The following HCN4 variants were observed in gnomAD, a reference collection of about 807,000 sequenced individuals.
HCN4 encodes potassium/sodium hyperpolarization-activated cyclic nucleotide-gated channel 4.
Under a neutral mutation model 76.9 loss-of-function variants are expected in HCN4, and 29 were observed. The observed-to-expected ratio is 0.38, with a 90% CI of 0.28 to 0.51. HCN4 has a LOEUF of 0.51. HCN4 is among the 20% of genes least tolerant of loss of function. The probability of loss-of-function intolerance (pLI) is 0.90; values close to 1 mark genes in which losing one functional copy is unlikely to be tolerated. For synonymous variants in HCN4, 772 were observed against 762.5 expected (o/e 1.01, Z -0.21); for missense variants, 1,416 against 1,715.2 (o/e 0.83, Z 3.08).
intron 3 of HCN4, 28 bp from the exon 4 acceptor site, chr15:73,329,819 G>C: frequency 6.3e-7 from 1 of 1,578,818 alleles, no homozygotes; most frequent in Non-Finnish European, 8.7e-7. Flanking sequence ...GGTGGGGACA[G>C]TGGATGAGAG....
Position 73,367,520 on chromosome 15 carries a change from C to A in HCN4, c.751G>T (p.Gly251Ter). 6.2e-7 allele frequency: 1 copy of A among 1,614,038 alleles called. No individual in the cohort carries two copies. Among genetic ancestry groups the A allele is most frequent in the Non-Finnish European group, 8.5e-7 (1 of 1,180,024 alleles). Reference protein sequence around the residue: ...EREQERVKSAGFWIIHPYSDF... With the variant: ...EREQERVKSA ...CTGTAGGGGTGGATAATCCAAAATC[C>A]GGCCGACTTGACCCTCTCCTGTTCG... The change falls in exon 1 of 8, where the codon GGA (glycine) becomes TGA (stop). Residue 251 changes from glycine to a stop codon, truncating the protein, a stop_gained. Coordinates refer to ENST00000261917, the MANE Select transcript of HCN4 (RefSeq NM_005477.3). LOFTEE classifies it high-confidence loss of function. The surrounding 1 kb of genome is among the most constrained non-coding windows in gnomAD (Gnocchi z 7.5).
At position 73,367,538 on chromosome 15, in the gene HCN4, C is replaced by G; in HGVS notation, c.733G>C (p.Glu245Gln). ...GSQKAVEREQ[E>Q]RVKSAGFWII... is the part of the protein sequence containing the mutation. ...CAAAATCCGGCCGACTTGACCCTCT[C>G]CTGTTCGCGCTCCACGGCTTTCTGG... is the stretch of plus-strand genomic sequence containing the variant. Residue 245 changes from glutamate to glutamine, a missense_variant, in exon 1 of 8, where the codon GAG becomes CAG. Glu to Gln is a conservative substitution (Grantham distance 29). Transcript: ENST00000261917. The surrounding 1 kb of genome is among the most constrained non-coding windows in gnomAD (Gnocchi z 7.5). 2 of 1,614,110 alleles carry G rather than the reference C, an allele frequency of 1.2e-6. No homozygotes were observed. The highest frequency in any genetic ancestry group is 1.7e-6 in the Non-Finnish European group (2 of 1,180,030).
At chr15:73,329,484 G>T in intron 4 of HCN4, 89 bp downstream of exon 4, 1 of 1,212,556 alleles carries the variant, frequency 8.2e-7, no homozygotes, top group Non-Finnish European at 1.2e-6. Context: ...TGGGAGCAGG[G>T]GGCGGTTCCT....
At chr15:73,333,682 A>T (rs2151218207) in intron 2 of HCN4, among the ~76,000 whole-genome samples, 1 of 152,316 alleles carries the variant, frequency 6.6e-6, no homozygotes, top group South Asian at 2.1e-4. Flanking sequence ...CGAAAGGTTC[A>T]TGGGGTCCGG....
At chr15:73,356,509 G>A (rs1471130866) in intron 1 of HCN4, among the ~76,000 whole-genome samples, 1 of 150,990 alleles carries the variant, frequency 6.6e-6, no homozygotes, top group Non-Finnish European at 1.5e-5. Flanking sequence ...CACAGTGCCT[G>A]ACCCGGGGCA....
intron 2 of HCN4, among the ~76,000 whole-genome samples, chr15:73,338,898 G>A (rs1406292982): frequency 6.6e-6 from 1 of 152,184 alleles, no homozygotes; most frequent in African/African-American, 2.4e-5. Context: ...CAGGAGACAG[G>A]GCCAGTACCC....
chr15:73,354,524 T>C (rs1213615732), intron 1 of HCN4, among the ~76,000 whole-genome samples: 1 of 152,226 alleles, frequency 6.6e-6, no homozygotes, highest in Non-Finnish European at 1.5e-5. Context: ...ACCCAGGTGA[T>C]GCTGAGACTG....
intron 2 of HCN4, among the ~76,000 whole-genome samples, chr15:73,336,295 C>G (rs1367539348): frequency 6.6e-6 from 1 of 152,162 alleles, no homozygotes; most frequent in East Asian, 1.9e-4. Flanking sequence ...TAGGGCATCT[C>G]TGGAAGCACC....
At chr15:73,363,807 C>T (rs898523544) in intron 1 of HCN4, among the ~76,000 whole-genome samples, 3 of 152,152 alleles carry the variant, frequency 2.0e-5, no homozygotes, top group Admixed American at 6.5e-5. Flanking sequence ...CTCGGCAGGG[C>T]GACCACAGTT....
chr15:73,327,180 C>T (rs1306788820), intron 4 of HCN4, among the ~76,000 whole-genome samples: 1 of 150,200 alleles, frequency 6.7e-6, no homozygotes, highest in Non-Finnish European at 1.5e-5. Context: ...AATCTTAGCT[C>T]ACTGCAACCT....
chr15:73,359,153 C>T (rs1334075582), intron 1 of HCN4, among the ~76,000 whole-genome samples: 1 of 152,224 alleles, frequency 6.6e-6, no homozygotes, highest in Admixed American at 6.5e-5. Context: ...CCGCAGCTGC[C>T]GTGATCAGAC....
At chr15:73,333,510 T>C (rs1164389331) in intron 2 of HCN4, among the ~76,000 whole-genome samples, 1 of 152,196 alleles carries the variant, frequency 6.6e-6, no homozygotes, top group African/African-American at 2.4e-5. Flanking sequence ...GCTACAGCCC[T>C]GTAGCTAGTG....
chr15:73,349,944 A>T (rs1031699301), intron 1 of HCN4, among the ~76,000 whole-genome samples: 2 of 152,110 alleles, frequency 1.3e-5, no homozygotes, highest in African/African-American at 4.8e-5. Context: ...CATATCATTG[A>T]CCCAGACAAC....
intron 1 of HCN4, among the ~76,000 whole-genome samples, chr15:73,344,283 A>G (rs1478199064): frequency 6.6e-6 from 1 of 152,174 alleles, no homozygotes; most frequent in African/African-American, 2.4e-5. Context: ...GGGGAGGTAC[A>G]GACATGACTC....
intron 1 of HCN4, among the ~76,000 whole-genome samples, chr15:73,357,342 G>GC (rs2043085788): frequency 6.6e-6 from 1 of 152,118 alleles, no homozygotes; most frequent in Non-Finnish European, 1.5e-5. Context: ...GGATGATGAT[G>GC]CCCCAGAGCC....
intron 1 of HCN4, among the ~76,000 whole-genome samples, chr15:73,361,801 G>A (rs1338524458): frequency 6.6e-6 from 1 of 152,234 alleles, no homozygotes; most frequent in East Asian, 1.9e-4. Context: ...GCTGGCCATA[G>A]CCTGGGGCAG....
chr15:73,335,104 G>T (rs1237034023), intron 2 of HCN4, among the ~76,000 whole-genome samples: 1 of 152,154 alleles, frequency 6.6e-6, no homozygotes, highest in East Asian at 1.9e-4. Flanking sequence ...AACCCAGACT[G>T]CCAGCCTCCA....
At position 73,356,189 on chromosome 15, in the gene HCN4, C is replaced by CTT. The variant is rs527385643; in HGVS notation, c.785+11295_785+11296dup. Reference sequence around the variant, plus strand: ...TGGGGCAGAACGTCTTTGTTTTTTGCTTTTTTTTTTTTTTTGAGATAGGGT... The same window carrying CTT: ...TGGGGCAGAACGTCTTTGTTTTTTGCTTTTTTTTTTTTTTTTTGAGATAGGGT... On this transcript the variant is annotated intron_variant, in intron 1 of 7. Coordinates refer to ENST00000261917, the MANE Select transcript of HCN4 (RefSeq NM_005477.3). Among the ~76,000 whole-genome samples the CTT allele has an allele frequency of 6.9e-3, 936 of 135,228 alleles. 10 individuals carry two copies. Among genetic ancestry groups the CTT allele is most frequent in the African/African-American group, 0.022 (804 of 36,088 alleles). The allele number at this position is 135,228 out of a possible 152,430, so 88.7% of individuals were successfully genotyped here.
chr15:73,328,662 G>A lies in HCN4; in HGVS notation c.1590+911C>T, dbSNP rs888241211. ...TCACGCTGTGGAGGCACAGGCCCACGCTCAAACAGAGCTCGGCAGCAGAGA... is the reference window on the plus strand; with the variant it reads ...TCACGCTGTGGAGGCACAGGCCCACACTCAAACAGAGCTCGGCAGCAGAGA... On this transcript the variant is annotated intron_variant, in intron 4 of 7. Transcript: ENST00000261917. The surrounding 1 kb of genome is among the most constrained non-coding windows in gnomAD (Gnocchi z 4.0). Among the ~76,000 whole-genome samples, 2 of 152,036 alleles carry A rather than the reference G, an allele frequency of 1.3e-5. No homozygotes were observed. Among genetic ancestry groups the A allele is most frequent in the Non-Finnish European group, 2.9e-5 (2 of 68,032 alleles).
Sources: allele counts gnomAD v4.1 joint callset (sites outside exome capture counted in the v4.1 genomes callset), GRCh38; gene constraint gnomAD v4.1.1; non-coding constraint Gnocchi (gnomAD v3.1); transcripts MANE v1.5; gene names NCBI Gene and HGNC (gene_info 2026-07-23, HGNC 2026-07-21).